ADGRL2: variants seen among roughly 807,000 people sequenced by gnomAD.
ADGRL2 encodes adhesion G protein-coupled receptor L2, also known as calcium-independent alpha-latrotoxin receptor 2.
In ADGRL2, 44 loss-of-function variants were observed where a neutral mutation model predicts 157.4. That is an observed-to-expected ratio of 0.28 (90% CI 0.22 to 0.36). ADGRL2 has a LOEUF of 0.36. Among genes scored for constraint, ADGRL2 ranks in the 10% least tolerant of loss-of-function variants. ADGRL2 has a pLI of 1.00. For missense variants in ADGRL2, 1,510 were observed against 1,768.9 expected (o/e 0.85, Z 2.63); for synonymous variants, 585 against 624.7 (o/e 0.94, Z 0.95).
At chr1:81,507,678 A>T (rs1278799962) in intron 2 of ADGRL2, among the ~76,000 whole-genome samples, 2 of 152,192 alleles carry the variant, frequency 1.3e-5, no homozygotes, top group African/African-American at 4.8e-5. Flanking sequence ...GATGATAGGG[A>T]CTGGCATGTT....
intron 1 of ADGRL2, among the ~76,000 whole-genome samples, chr1:81,412,586 G>GGGA (rs2076965134): frequency 6.6e-6 from 1 of 152,126 alleles, no homozygotes; most frequent in Non-Finnish European, 1.5e-5. Context: ...GCTCGCTGGG[G>GGGA]GAAGAGACTC....
intron 3 of ADGRL2, among the ~76,000 whole-genome samples, chr1:81,926,072 A>G (rs1342128): frequency 0.35 from 52,440 of 151,786 alleles, 9,364 homozygotes; most frequent in Middle Eastern, 0.43. Context: ...GGTAATTAAC[A>G]GACCAGAAAA....
At chr1:81,497,863 C>T in intron 2 of ADGRL2, among the ~76,000 whole-genome samples, 1 of 152,116 alleles carries the variant, frequency 6.6e-6, no homozygotes, top group East Asian at 1.9e-4. Context: ...TTTAAAAATT[C>T]AAAGGCTAAA....
intron 2 of ADGRL2, among the ~76,000 whole-genome samples, chr1:81,446,843 G>T (rs2101711083): frequency 6.6e-6 from 1 of 152,206 alleles, no homozygotes; most frequent in Non-Finnish European, 1.5e-5. Flanking sequence ...CATAAGTGGA[G>T]ATATCATTTG....
intron 3 of ADGRL2, among the ~76,000 whole-genome samples, chr1:81,928,319 CTGAGAATCAGGTACGG>C (rs2095155566): frequency 6.6e-6 from 1 of 152,074 alleles, no homozygotes; most frequent in Non-Finnish European, 1.5e-5. Context: ...ACAGGGTTCT[CTGAGAATCAGGTACGG>C]CTGATTGAGG....
chr1:81,925,263 T>A (rs547059745), intron 3 of ADGRL2, among the ~76,000 whole-genome samples: 4 of 152,192 alleles, frequency 2.6e-5, no homozygotes, highest in Admixed American at 2.0e-4. Flanking sequence ...CCTCCAACAT[T>A]AACTTATTAA....
chr1:81,948,527 C>T (rs537051311), intron 6 of ADGRL2, among the ~76,000 whole-genome samples: 2 of 152,302 alleles, frequency 1.3e-5, no homozygotes, highest in South Asian at 2.1e-4. Flanking sequence ...TGATTCCCGA[C>T]TCCCCTTTAA....
rs1439420026 is a variant in ADGRL2 at position 81,991,714 on chromosome 1, GT to G, written c.*572del. Reference sequence around the variant, plus strand: ...TCAAGCCACAGGCCTTATTTCATATGTTTCCTCAACTGTACAATGAACTATT... The same window carrying G: ...TCAAGCCACAGGCCTTATTTCATATGTTCCTCAACTGTACAATGAACTATT... On this transcript the variant is annotated 3_prime_UTR_variant, in exon 24 of 24. Coordinates refer to ENST00000686636, the MANE Select transcript of ADGRL2 (RefSeq NM_001366006.2). The G allele has an allele frequency of 1.3e-5, 2 of 152,660 alleles. No homozygotes were observed. Among genetic ancestry groups the G allele is most frequent in the Non-Finnish European group, 2.9e-5 (2 of 68,134 alleles). 9.5% of individuals were successfully genotyped at this position (152,660 alleles called of 1,614,324 possible).
chr1:81,982,867 A>T (rs180693937), intron 19 of ADGRL2, among the ~76,000 whole-genome samples: 4 of 152,122 alleles, frequency 2.6e-5, no homozygotes, highest in Admixed American at 2.6e-4. Context: ...ATTTGGATAA[A>T]ATACCATTTT....
chr1:81,983,461 G>A (rs563847669), intron 19 of ADGRL2, among the ~76,000 whole-genome samples: 104 of 151,984 alleles, frequency 6.8e-4, no homozygotes, highest in African/African-American at 2.4e-3. Flanking sequence ...ATGTAAGTGC[G>A]CTTAGATTTA....
chr1:81,455,285 G>A (rs950945511), intron 2 of ADGRL2, among the ~76,000 whole-genome samples: 5 of 152,150 alleles, frequency 3.3e-5, no homozygotes, highest in African/African-American at 7.2e-5. Flanking sequence ...TGGGCAGAAC[G>A]TGGAAAGGAA....
At chr1:81,397,879 C>T (rs1411279636) in intron 1 of ADGRL2, among the ~76,000 whole-genome samples, 2 of 152,066 alleles carry the variant, frequency 1.3e-5, no homozygotes, top group African/African-American at 2.4e-5. Flanking sequence ...TTGATTTTTT[C>T]GTCTAGATAA....
chr1:81,549,367 T>C (rs2080090912), intron 2 of ADGRL2, among the ~76,000 whole-genome samples: 1 of 152,212 alleles, frequency 6.6e-6, no homozygotes, highest in Non-Finnish European at 1.5e-5. Context: ...ATTCTGGCTC[T>C]GCAACCACAA....
intron 1 of ADGRL2, among the ~76,000 whole-genome samples, chr1:81,756,834 T>C (rs1322335617): frequency 2.0e-5 from 3 of 152,192 alleles, no homozygotes; most frequent in Non-Finnish European, 4.4e-5. Flanking sequence ...AGGCACTAAA[T>C]AAATACTTGT....
intron 3 of ADGRL2, among the ~76,000 whole-genome samples, chr1:81,630,375 C>T (rs1481081566): frequency 6.6e-6 from 1 of 152,074 alleles, no homozygotes; most frequent in Non-Finnish European, 1.5e-5. Flanking sequence ...ATTTAATCAT[C>T]GAATACTTTT....
chr1:81,611,012 G>A (rs1342272021), intron 3 of ADGRL2, among the ~76,000 whole-genome samples: 1 of 152,110 alleles, frequency 6.6e-6, no homozygotes, highest in African/African-American at 2.4e-5. Flanking sequence ...CAAATTCTAA[G>A]CCAGTTTCTT....
chr1:81,710,599 G>C (rs1405995251), intron 1 of ADGRL2, among the ~76,000 whole-genome samples: 1 of 142,972 alleles, frequency 7.0e-6, no homozygotes, highest in African/African-American at 2.6e-5. Flanking sequence ...CAGCCTGGGT[G>C]ACAGAGAGAG....
intron 2 of ADGRL2, among the ~76,000 whole-genome samples, chr1:81,852,209 G>A (rs2093038038): frequency 6.6e-6 from 1 of 152,014 alleles, no homozygotes. Context: ...CTTTATTCCT[G>A]CATGGTTTAC....
At chr1:81,428,764 G>A (rs2077266477) in intron 1 of ADGRL2, among the ~76,000 whole-genome samples, 1 of 151,996 alleles carries the variant, frequency 6.6e-6, no homozygotes, top group Non-Finnish European at 1.5e-5. Context: ...ATAAGGAGGT[G>A]GCCCGAGACA....
Sources: gnomAD v4.1 joint callset for allele counts (sites outside exome capture counted in the v4.1 genomes callset) on GRCh38, gnomAD v4.1.1 for gene constraint, MANE v1.5 for transcripts, NCBI Gene and HGNC (gene_info 2026-07-23, HGNC 2026-07-21) for gene names.